ADAM22: variants seen among roughly 807,000 people sequenced by gnomAD.
The protein encoded by ADAM22 is disintegrin and metalloproteinase domain-containing protein 22.
In ADAM22, 65 loss-of-function variants were observed where a neutral mutation model predicts 144.6. The observed-to-expected ratio is 0.45, with a 90% confidence interval of 0.37 to 0.55. ADAM22 has a LOEUF of 0.55. Among genes scored for constraint, ADAM22 ranks in the 20% least tolerant of loss-of-function variants. The probability of loss-of-function intolerance (pLI) is 0.00; values close to 1 mark genes in which losing one functional copy is unlikely to be tolerated. For missense variants in ADAM22, 974 were observed against 1,184.9 expected, an observed-to-expected ratio of 0.82 and a Z score of 2.61; for synonymous variants, 391 against 412.6, an observed-to-expected ratio of 0.95 and a Z score of 0.63.
intron 2 of ADAM22, among the ~76,000 whole-genome samples, chr7:87,945,724 A>G (rs190421719): frequency 6.0e-4 from 91 of 152,104 alleles, no homozygotes; most frequent in African/African-American, 2.2e-3. Flanking sequence ...CTTCTTGGCC[A>G]GGCTGGTCTT....
intron 2 of ADAM22, among the ~76,000 whole-genome samples, chr7:87,977,035 G>A (rs1852057664): frequency 6.6e-6 from 1 of 152,018 alleles, no homozygotes; most frequent in Non-Finnish European, 1.5e-5. Context: ...GATTTAGTTG[G>A]GGCTGGGTAT....
intron 3 of ADAM22, among the ~76,000 whole-genome samples, chr7:88,027,948 A>G (rs1325470905): frequency 6.6e-6 from 1 of 151,858 alleles, no homozygotes; most frequent in Non-Finnish European, 1.5e-5. Flanking sequence ...GTGCCACCAC[A>G]TCCGGCTAAT....
chr7:88,132,782 AAAT>A (rs1285457899), intron 11 of ADAM22, 82 bp from the exon 12 acceptor site: 1 of 1,096,922 alleles, frequency 9.1e-7, no homozygotes, highest in African/African-American at 1.6e-5. Flanking sequence ...TGTATAGAGA[AAAT>A]AAATGTAGTA....
At chr7:88,082,702 G>GAACAGACACTTCTGCAA (rs1817131769) in intron 4 of ADAM22, among the ~76,000 whole-genome samples, 1 of 152,140 alleles carries the variant, frequency 6.6e-6, no homozygotes, top group African/African-American at 2.4e-5. Flanking sequence ...CTTCTCAAAA[G>GAACAGACACTTCTGCAA]AAGACATTTA....
rs527414338 is a variant in ADAM22 at position 88,191,639 on chromosome 7, A to G, written c.2751-1477A>G. 1.4e-4 allele frequency among the ~76,000 whole-genome samples: 22 copies of G among 152,298 alleles called. No homozygotes were observed. In the South Asian group the frequency reaches 4.6e-3, roughly 32 times the overall value. The stretch of plus-strand genomic sequence containing the variant: ...TCTAAAATAAAATAATTTCTTAATT[A>G]AAAAAATATGAAGTACATTGCTTTA... On this transcript the variant is annotated intron_variant, in intron 30 of 31. Transcript: ENST00000413139.
chr7:88,048,967 G>A (rs968367172), intron 3 of ADAM22, among the ~76,000 whole-genome samples: 5 of 152,026 alleles, frequency 3.3e-5, no homozygotes, highest in East Asian at 3.8e-4. Context: ...TTCAGTTTTG[G>A]CTTTGGTTTT....
intron 3 of ADAM22, among the ~76,000 whole-genome samples, chr7:88,068,873 A>G (rs934093280): frequency 6.6e-6 from 1 of 152,146 alleles, no homozygotes; most frequent in Non-Finnish European, 1.5e-5. Context: ...TTCTACATGC[A>G]TGAAAATGGA....
At chr7:88,017,707 T>A (rs1417731704) in intron 3 of ADAM22, among the ~76,000 whole-genome samples, 2 of 152,160 alleles carry the variant, frequency 1.3e-5, no homozygotes, top group Non-Finnish European at 2.9e-5. Context: ...ATCTCCTGTA[T>A]AAGTAACCAT....
intron 4 of ADAM22, among the ~76,000 whole-genome samples, chr7:88,097,283 C>G (rs1462787509): frequency 6.6e-6 from 1 of 151,460 alleles, no homozygotes; most frequent in African/African-American, 2.4e-5. Flanking sequence ...TCCCCAGTAG[C>G]TGGAATTACA....
intron 29 of ADAM22, among the ~76,000 whole-genome samples, chr7:88,182,984 T>C (rs1373712053): frequency 2.6e-5 from 4 of 152,212 alleles, no homozygotes; most frequent in Admixed American, 6.5e-5. Flanking sequence ...CAAAAACTTA[T>C]GTTAGCTTTT....
At chr7:88,143,150 T>C in intron 15 of ADAM22, 25 bp downstream of exon 15, 1 of 1,400,196 alleles carries the variant, frequency 7.1e-7, no homozygotes, top group Non-Finnish European at 1.0e-6. Context: ...TAATAAGGTT[T>C]ATAATATTAA....
Position 88,200,893 on chromosome 7 carries a change from TGAG to T in ADAM22, c.*4404_*4406del, listed in dbSNP as rs1851157041. ...GTTTCCCATTGATAGTATAATATAATGAGGGGCCCAGTCTGCTCTTGTGAAAAT... is the reference window on the plus strand; with the variant it reads ...GTTTCCCATTGATAGTATAATATAATGGGCCCAGTCTGCTCTTGTGAAAAT... On this transcript the variant is annotated 3_prime_UTR_variant, in exon 32 of 32. Transcript: ENST00000413139. 1 of 152,232 alleles carries T rather than the reference TGAG, an allele frequency of 6.6e-6. No homozygotes were observed. Among genetic ancestry groups the T allele is most frequent in the African/African-American group, 2.4e-5 (1 of 41,450 alleles). 9.4% of individuals were successfully genotyped at this position (152,232 alleles called of 1,614,324 possible).
At chr7:88,033,411 G>A (rs1800762168) in intron 3 of ADAM22, among the ~76,000 whole-genome samples, 1 of 152,252 alleles carries the variant, frequency 6.6e-6, no homozygotes, top group African/African-American at 2.4e-5. Context: ...CTCTCATTCT[G>A]TGCTGGGCTG....
At chr7:88,090,851 C>G (rs537771981) in intron 4 of ADAM22, among the ~76,000 whole-genome samples, 1 of 152,086 alleles carries the variant, frequency 6.6e-6, no homozygotes, top group Non-Finnish European at 1.5e-5. Flanking sequence ...CACAGGAAAC[C>G]GTGTCCCTTG....
At chr7:88,157,927 C>T (rs4728733) in intron 22 of ADAM22, among the ~76,000 whole-genome samples, 19,273 of 151,886 alleles carry the variant, frequency 0.13, 1,893 homozygotes, top group East Asian at 0.48. Context: ...TGTAAATGGC[C>T]TAAATACCCC....
intron 3 of ADAM22, among the ~76,000 whole-genome samples, chr7:88,052,486 C>T (rs927128231): frequency 2.7e-5 from 4 of 150,694 alleles, no homozygotes; most frequent in Admixed American, 6.6e-5. Context: ...GGTGACAGAG[C>T]GAAACTGCGT....
intron 7 of ADAM22, among the ~76,000 whole-genome samples, chr7:88,122,565 G>A (rs527516040): frequency 1.3e-5 from 2 of 152,252 alleles, no homozygotes; most frequent in Admixed American, 6.5e-5. Context: ...TCCCGTTATA[G>A]CATCTGCTCA....
At chr7:88,081,782 G>A (rs567611152) in intron 4 of ADAM22, among the ~76,000 whole-genome samples, 41 of 141,724 alleles carry the variant, frequency 2.9e-4, no homozygotes, top group African/African-American at 1.0e-3. Context: ...ACTTACAAGG[G>A]ATGTGAAGGA....
At chr7:88,025,792 A>AG (rs1339489988) in intron 3 of ADAM22, among the ~76,000 whole-genome samples, 2 of 152,206 alleles carry the variant, frequency 1.3e-5, no homozygotes, top group Non-Finnish European at 2.9e-5. Flanking sequence ...TTTTGAAGAC[A>AG]GGTAATATGA....
Sources: gnomAD v4.1 joint callset for allele counts (sites outside exome capture counted in the v4.1 genomes callset) on GRCh38, gnomAD v4.1.1 for gene constraint, MANE v1.5 for transcripts, NCBI Gene and HGNC (gene_info 2026-07-23, HGNC 2026-07-21) for gene names.